Variants in PDE8A observed in about 807,000 individuals in gnomAD.
PDE8A encodes the protein phosphodiesterase 8A.
A neutral mutation model predicts 105.0 loss-of-function variants in PDE8A; 59 were observed. The ratio of observed to expected loss-of-function variants is 0.56; its 90% CI spans 0.46 to 0.70. The LOEUF is 0.70. Ranked by LOEUF, PDE8A falls within the 30% of genes least tolerant of loss-of-function variation. The probability of loss-of-function intolerance (pLI) is 0.00; values close to 1 mark genes in which losing one functional copy is unlikely to be tolerated. For missense variants in PDE8A, 1,014 were observed against 1,045.9 expected (o/e 0.97, Z 0.42); for synonymous variants, 355 against 371.9 (o/e 0.95, Z 0.52).
At chr15:85,002,590 A>G (rs2080084563) in intron 1 of PDE8A, among the ~76,000 whole-genome samples, 1 of 152,068 alleles carries the variant, frequency 6.6e-6, no homozygotes, top group Non-Finnish European at 1.5e-5. Context: ...TATCAGCTCA[A>G]CTCTCAACCC....
At chr15:85,022,076 T>G (rs1235269414) in intron 1 of PDE8A, among the ~76,000 whole-genome samples, 1 of 152,238 alleles carries the variant, frequency 6.6e-6, no homozygotes, top group African/African-American at 2.4e-5. Flanking sequence ...CCAACTAGTT[T>G]TAACATTCAT....
In PDE8A at chr15:84,982,057, C is replaced by T. The variant is rs1251032765; in HGVS notation, c.-106C>T. ...AGATCCGCGCTCGCCGCCGCCCGCC[C>T]AGGCGGCGATGACACGGCGCCCGCG... On this transcript the variant is annotated 5_prime_UTR_variant, in exon 1 of 22. Coordinates refer to ENST00000394553, the MANE Select transcript of PDE8A (RefSeq NM_002605.3). 61 of 585,562 alleles carry T rather than the reference C, an allele frequency of 1.0e-4. No individual in the cohort carries two copies. The highest frequency in any genetic ancestry group is 1.4e-4 in the Non-Finnish European group (60 of 414,452). 36.3% of individuals were successfully genotyped at this position (585,562 alleles called of 1,614,324 possible).
chr15:85,105,528 T>C (rs11637512), intron 11 of PDE8A, among the ~76,000 whole-genome samples: 31,499 of 152,166 alleles, frequency 0.21, 4,294 homozygotes, highest in Middle Eastern at 0.33. Flanking sequence ...GCTGCTGTTT[T>C]TGAGGGGTAC....
intron 20 of PDE8A, among the ~76,000 whole-genome samples, chr15:85,134,748 G>T (rs2082379927): frequency 6.6e-6 from 1 of 152,242 alleles, no homozygotes; most frequent in Non-Finnish European, 1.5e-5. Context: ...ACCTCCAGAG[G>T]TTCGCCTGCT....
intron 1 of PDE8A, among the ~76,000 whole-genome samples, chr15:85,036,259 A>G (rs578036271): frequency 3.3e-5 from 5 of 152,204 alleles, no homozygotes; most frequent in African/African-American, 1.2e-4. Flanking sequence ...TCCTCTTGGT[A>G]CTACTCTATT....
Position 85,108,567 on chromosome 15 carries a change from A to AT in PDE8A, c.1037-486_1037-485insT, listed in dbSNP as rs201278099. Among the ~76,000 whole-genome samples the AT allele has an allele frequency of 4.6e-5, 7 of 152,340 alleles. No homozygotes were observed. In the East Asian group the frequency reaches 9.6e-4, roughly 21 times the overall value. ...AGAGAAGAGGGGGTGAAAGGGAGGC[A>AT]GATGAGCTATCATTTGAAATATACC... is the stretch of plus-strand genomic sequence containing the variant. On this transcript the variant is annotated intron_variant, in intron 11 of 21. Coordinates refer to ENST00000394553, the MANE Select transcript of PDE8A (RefSeq NM_002605.3).
intron 1 of PDE8A, among the ~76,000 whole-genome samples, chr15:85,054,508 A>G (rs1220146223): frequency 1.3e-5 from 2 of 152,184 alleles, no homozygotes; most frequent in South Asian, 2.1e-4. Context: ...TTATTGGTCT[A>G]TTCAGGGATT....
At chr15:85,008,422 A>T (rs114830628) in intron 1 of PDE8A, among the ~76,000 whole-genome samples, 3 of 151,862 alleles carry the variant, frequency 2.0e-5, no homozygotes, top group African/African-American at 7.2e-5. Context: ...GCTTCCCCTC[A>T]CCAGACCCTT....
At chr15:84,996,795 C>T (rs1287483164) in intron 1 of PDE8A, among the ~76,000 whole-genome samples, 2 of 124,454 alleles carry the variant, frequency 1.6e-5, no homozygotes, top group Non-Finnish European at 3.2e-5. Context: ...CACTGCACTC[C>T]ATCCTGGACA....
Position 85,019,943 on chromosome 15 carries a change from G to GTTTTTTTTTTTTTTTTTTT in PDE8A, c.186+37604_186+37622dup, listed in dbSNP as rs201634002. Among the ~76,000 whole-genome samples the GTTTTTTTTTTTTTTTTTTT allele has an allele frequency of 6.2e-5, 4 of 64,772 alleles. 1 individual carries two copies. Among genetic ancestry groups the GTTTTTTTTTTTTTTTTTTT allele is most frequent in the East Asian group, 5.8e-4 (1 of 1,728 alleles). 42.5% of individuals were successfully genotyped at this position (64,772 alleles called of 152,430 possible). On this transcript the variant is annotated intron_variant, in intron 1 of 21. Transcript: ENST00000394553. ...AGAACTTTGGGGGAGTTTTTTTTTG[G>GTTTTTTTTTTTTTTTTTTT]TTTTTTTTTTTTTTTTTTTTTTTTT...
intron 11 of PDE8A, among the ~76,000 whole-genome samples, chr15:85,108,576 A>C (rs575935272): frequency 6.6e-6 from 1 of 152,204 alleles, no homozygotes; most frequent in Non-Finnish European, 1.5e-5. Flanking sequence ...CAGATGAGCT[A>C]TCATTTGAAA....
At chr15:85,098,588 A>G (rs898154223) in intron 9 of PDE8A, among the ~76,000 whole-genome samples, 11 of 152,234 alleles carry the variant, frequency 7.2e-5, no homozygotes, top group Non-Finnish European at 1.3e-4. Context: ...TATGAATTAT[A>G]GAACACCTAA....
chr15:85,063,734 C>G (rs1596482476), intron 1 of PDE8A: 2 of 152,352 alleles, frequency 1.3e-5, no homozygotes, highest in Admixed American at 1.3e-4. Context: ...CCAGAACACA[C>G]TAAGTCTTCC....
intron 20 of PDE8A, 43 bp from the exon 21 acceptor site, chr15:85,136,490 GA>G: frequency 6.3e-7 from 1 of 1,588,614 alleles, no homozygotes. Context: ...AGGTGGAGTG[GA>G]ACCAGATGTT....
At chr15:85,100,423 G>A (rs1282688739) in intron 11 of PDE8A, among the ~76,000 whole-genome samples, 4 of 152,234 alleles carry the variant, frequency 2.6e-5, no homozygotes, top group African/African-American at 9.6e-5. Context: ...CTGAGCCTGC[G>A]AGGGAAAGAA....
chr15:85,109,093 A>G lies in PDE8A; in HGVS notation c.1077A>G (p.Ser359=). 1 of 1,612,242 alleles carries G rather than the reference A, an allele frequency of 6.2e-7. No individual in the cohort carries two copies. Among genetic ancestry groups the G allele is most frequent in the Non-Finnish European group, 8.5e-7 (1 of 1,178,622 alleles). The change falls in exon 12 of 22, where the codon TCA becomes TCG. Residue 359 remains serine (S), a synonymous_variant. Coordinates refer to ENST00000394553, the MANE Select transcript of PDE8A (RefSeq NM_002605.3). ...TGKHKDRRKG[S]LDVKAVASRA... ...AACATAAAGACAGGAGAAAAGGCTC[A>G]CTAGACGTCAAAGCTGTTGCCTCCC...
chr15:85,102,571 T>TG (rs2081881566), intron 11 of PDE8A, among the ~76,000 whole-genome samples: 1 of 151,764 alleles, frequency 6.6e-6, no homozygotes, highest in Non-Finnish European at 1.5e-5. Flanking sequence ...CTGGACGCAG[T>TG]GGCTCACACC....
chr15:85,137,254 G>T (rs531107541), intron 21 of PDE8A, among the ~76,000 whole-genome samples: 8 of 152,216 alleles, frequency 5.3e-5, no homozygotes, highest in Non-Finnish European at 1.0e-4. Flanking sequence ...AGGCGGCTGG[G>T]GAGAAGGACT....
intron 1 of PDE8A, among the ~76,000 whole-genome samples, chr15:85,055,497 T>G (rs2141429068): frequency 6.6e-6 from 1 of 152,346 alleles, no homozygotes; most frequent in South Asian, 2.1e-4. Context: ...GGTGCTCCTG[T>G]ATTGGGTGCA....
Sources: allele counts gnomAD v4.1 joint callset (sites outside exome capture counted in the v4.1 genomes callset), GRCh38; gene constraint gnomAD v4.1.1; transcripts MANE v1.5; gene names NCBI Gene and HGNC (gene_info 2026-07-23, HGNC 2026-07-21).